The following FAM240B variants were observed in gnomAD, a reference collection of about 807,000 sequenced individuals.
FAM240B encodes the protein family with sequence similarity 240 member B, also known as protein FAM240B.
rs753707983 is a variant in FAM240B, at chr9:38,694,781, C to A, written c.232G>T (p.Asp78Tyr). 5.0e-6 allele frequency: 2 copies of A among 398,588 alleles called. No homozygotes were observed. The highest frequency in any genetic ancestry group is 8.8e-6 in the Non-Finnish European group (2 of 226,082). The allele number at this position is 398,588 out of a possible 1,614,324, so 24.7% of individuals were successfully genotyped here. A position where few individuals can be genotyped will look rare whatever the true frequency, so the allele number is the denominator to read the frequency against. ...VEKEKPAHTA[D>Y] Reference sequence around the variant, plus strand: ...GTCGGTGAGGCAGGCAGAGCTCAGTCCGCGGTGTGTGCCGGCTTTTCCTTC... The same window carrying A: ...GTCGGTGAGGCAGGCAGAGCTCAGTACGCGGTGTGTGCCGGCTTTTCCTTC... The change falls in exon 3 of 3, where the codon GAC becomes TAC. Residue 78 changes from aspartate to tyrosine, a missense_variant. Asp to Tyr is a radical substitution (Grantham distance 160, BLOSUM62 -3). Transcript: ENST00000637493.
chr9:38,717,571 C>A (rs1309553039), intron 1 of FAM240B, among the ~76,000 whole-genome samples: 1 of 152,198 alleles, frequency 6.6e-6, no homozygotes, highest in African/African-American at 2.4e-5. Context: ...AGCTCCGCCT[C>A]CCGGGTTCAC....
intron 2 of FAM240B, among the ~76,000 whole-genome samples, chr9:38,695,589 G>A (rs1821060459): frequency 1.3e-5 from 2 of 152,188 alleles, no homozygotes; most frequent in South Asian, 4.1e-4. Context: ...ATAGTCACAA[G>A]GGCATAGTCT....
At chr9:38,700,024 C>A (rs1214685232) in intron 2 of FAM240B, among the ~76,000 whole-genome samples, 1 of 152,182 alleles carries the variant, frequency 6.6e-6, no homozygotes, top group Non-Finnish European at 1.5e-5. Flanking sequence ...TTCCCTGTGG[C>A]CTGCAGCTCA....
chr9:38,707,708 C>T (rs1022375668), intron 1 of FAM240B, among the ~76,000 whole-genome samples: 25 of 150,406 alleles, frequency 1.7e-4, no homozygotes, highest in Admixed American at 5.3e-4. Flanking sequence ...GCAGGAGAAT[C>T]GCTTGAACCT....
rs113822893 is a variant in FAM240B, at chr9:38,718,790, A to G, written c.-4+1232T>C. Among the ~76,000 whole-genome samples, 672 of 152,212 alleles carry G rather than the reference A, an allele frequency of 4.4e-3. 5 individuals are homozygous for G. Among genetic ancestry groups the G allele is most frequent in the African/African-American group, 0.014 (596 of 41,508 alleles). Reference sequence around the variant, plus strand: ...TTCAAAGTCCTAACTGTAGATAGTTATTTTAAATGGTCAATTAAAATTTGT... The same window carrying G: ...TTCAAAGTCCTAACTGTAGATAGTTGTTTTAAATGGTCAATTAAAATTTGT... On this transcript the variant is annotated intron_variant, in intron 1 of 2. Transcript: ENST00000637493.
At position 38,694,525 on chromosome 9, in the gene FAM240B, A is replaced by C. The variant is rs1587587139; in HGVS notation, c.*251T>G. The C allele has an allele frequency of 2.8e-6, 1 of 351,346 alleles. No homozygotes were observed. Among genetic ancestry groups the C allele is most frequent in the East Asian group, 4.2e-5 (1 of 23,814 alleles). 21.8% of individuals were successfully genotyped at this position (351,346 alleles called of 1,614,324 possible). On this transcript the variant is annotated 3_prime_UTR_variant, in exon 3 of 3. Coordinates refer to ENST00000637493, the MANE Select transcript of FAM240B (RefSeq NM_001394922.1). ...GTGAGACCTGGAGAGTGCTAATTCC[A>C]AGAGCTCTTTTATTAAATAGCCCAA... is the stretch of plus-strand genomic sequence containing the variant.
chr9:38,695,611 G>A (rs1286752613), intron 2 of FAM240B, among the ~76,000 whole-genome samples: 2 of 152,154 alleles, frequency 1.3e-5, no homozygotes, highest in African/African-American at 2.4e-5. Context: ...TGGATAGATG[G>A]CTTTATCCCA....
intron 1 of FAM240B, among the ~76,000 whole-genome samples, chr9:38,710,063 G>C (rs952930623): frequency 6.6e-6 from 1 of 152,096 alleles, no homozygotes; most frequent in Non-Finnish European, 1.5e-5. Flanking sequence ...TCCGCCTCCC[G>C]GGTTCAAGCA....
intron 1 of FAM240B, among the ~76,000 whole-genome samples, chr9:38,719,123 T>A (rs150035790): frequency 2.0e-5 from 3 of 152,230 alleles, no homozygotes; most frequent in African/African-American, 7.2e-5. Context: ...TTCAGTTTTT[T>A]CACCTTCAAA....
intron 1 of FAM240B, among the ~76,000 whole-genome samples, chr9:38,707,777 G>A (rs1398124705): frequency 7.2e-6 from 1 of 138,434 alleles, no homozygotes; most frequent in African/African-American, 2.7e-5. Context: ...CTGAGCAACA[G>A]AGCAAGACTC....
chr9:38,717,318 C>A (rs113809806), intron 1 of FAM240B, among the ~76,000 whole-genome samples: 3,091 of 152,184 alleles, frequency 0.02, 101 homozygotes, highest in African/African-American at 0.069. Flanking sequence ...CAGTGGCTCA[C>A]GCCTGTAATC....
chr9:38,711,083 T>C (rs10814742), intron 1 of FAM240B, among the ~76,000 whole-genome samples: 49,765 of 152,062 alleles, frequency 0.33, 9,316 homozygotes, highest in Middle Eastern at 0.43. Flanking sequence ...TCATCACTGC[T>C]TTCTCAAAGC....
chr9:38,713,238 G>A (rs986837741), intron 1 of FAM240B, among the ~76,000 whole-genome samples: 1 of 152,112 alleles, frequency 6.6e-6, no homozygotes, highest in Non-Finnish European at 1.5e-5. Flanking sequence ...CAGCACTTTG[G>A]GAGGCTAAGG....
chr9:38,696,990 T>G (rs1821077217), intron 2 of FAM240B, among the ~76,000 whole-genome samples: 1 of 152,202 alleles, frequency 6.6e-6, no homozygotes, highest in Non-Finnish European at 1.5e-5. Flanking sequence ...AAGCTTTTTT[T>G]GTTACACATC....
intron 1 of FAM240B, among the ~76,000 whole-genome samples, chr9:38,714,426 G>A (rs987810254): frequency 2.0e-5 from 3 of 152,134 alleles, no homozygotes; most frequent in Admixed American, 2.0e-4. Flanking sequence ...TTTAACATAC[G>A]ATCACAAATT....
At chr9:38,707,631 A>C (rs963004673) in intron 1 of FAM240B, among the ~76,000 whole-genome samples, 3 of 149,840 alleles carry the variant, frequency 2.0e-5, no homozygotes, top group Admixed American at 1.3e-4. Context: ...AAAAACAAAA[A>C]AAAAACCAAA....
intron 1 of FAM240B, among the ~76,000 whole-genome samples, chr9:38,711,740 T>C (rs1821258197): frequency 6.9e-6 from 1 of 145,580 alleles, no homozygotes; most frequent in South Asian, 2.3e-4. Context: ...CACTGTAACC[T>C]CCGCCTCCAG....
intron 1 of FAM240B, among the ~76,000 whole-genome samples, chr9:38,713,481 C>CAAAAAAAAAAAAAAAA (rs77404875): frequency 2.4e-5 from 2 of 83,576 alleles, no homozygotes; most frequent in Non-Finnish European, 4.2e-5. Flanking sequence ...CCGTTTCAAA[C>CAAAAAAAAAAAAAAAA]AAAAAAAAAA....
At chr9:38,711,467 C>A (rs1470736826) in intron 1 of FAM240B, among the ~76,000 whole-genome samples, 8 of 152,208 alleles carry the variant, frequency 5.3e-5, no homozygotes, top group Admixed American at 1.3e-4. Context: ...TCCCACCCCA[C>A]CTTCAGGCCC....
Sources: gnomAD v4.1 joint callset for allele counts (sites outside exome capture counted in the v4.1 genomes callset) on GRCh38, gnomAD v4.1.1 for gene constraint, MANE v1.5 for transcripts, NCBI Gene and HGNC (gene_info 2026-07-23, HGNC 2026-07-21) for gene names.